ATF2: variants seen among roughly 807,000 people sequenced by gnomAD.
The protein encoded by ATF2 is activating transcription factor 2.
ATF2 carries 24 observed loss-of-function variants against 60.6 expected under a neutral mutation model. The ratio of observed to expected loss-of-function variants is 0.40; its 90% CI spans 0.29 to 0.56. ATF2 has a LOEUF of 0.56. Among genes scored for constraint, ATF2 ranks in the 20% least tolerant of loss-of-function variants. ATF2 has a pLI of 0.54. For missense variants in ATF2, 433 were observed against 607.7 expected, an observed-to-expected ratio of 0.71 and a Z score of 3.02; for synonymous variants, 206 against 215.4, an observed-to-expected ratio of 0.96 and a Z score of 0.38.
chr2:175,138,186 A>C (rs894430150), intron 2 of ATF2, among the ~76,000 whole-genome samples: 2 of 152,190 alleles, frequency 1.3e-5, no homozygotes, highest in Admixed American at 6.5e-5. Flanking sequence ...AATTTTTTAG[A>C]AGTCGGCTTC....
chr2:175,113,466 G>A (rs1056289538), intron 9 of ATF2, among the ~76,000 whole-genome samples: 4 of 151,906 alleles, frequency 2.6e-5, no homozygotes, highest in Middle Eastern at 3.2e-3. Flanking sequence ...TTTTGTCTAC[G>A]TCTTTCAAAA....
chr2:175,133,356 T>A (rs1419133755), intron 3 of ATF2, among the ~76,000 whole-genome samples: 1 of 152,190 alleles, frequency 6.6e-6, no homozygotes, highest in African/African-American at 2.4e-5. Context: ...TAAGGCTACC[T>A]GATTTGTACA....
intron 7 of ATF2, among the ~76,000 whole-genome samples, chr2:175,116,890 A>G (rs1432030515): frequency 2.0e-5 from 3 of 152,056 alleles, no homozygotes; most frequent in Non-Finnish European, 2.9e-5. Flanking sequence ...AAAGAACAGG[A>G]TAACATAATA....
intron 1 of ATF2, among the ~76,000 whole-genome samples, chr2:175,159,511 GGTCCTTCAC>G (rs1437819841): frequency 6.6e-6 from 1 of 152,048 alleles, no homozygotes; most frequent in African/African-American, 2.4e-5. Flanking sequence ...ACATGAGAGA[GGTCCTTCAC>G]ACAATTCCCA....
intron 1 of ATF2, among the ~76,000 whole-genome samples, chr2:175,154,251 A>ATGTT (rs879448060): frequency 6.7e-6 from 1 of 148,892 alleles, no homozygotes; most frequent in Non-Finnish European, 1.5e-5. Context: ...ATATATATAT[A>ATGTT]TTTTTTACTT....
intron 2 of ATF2, among the ~76,000 whole-genome samples, chr2:175,140,171 C>T (rs932327580): frequency 6.6e-6 from 1 of 152,026 alleles, no homozygotes; most frequent in South Asian, 2.1e-4. Flanking sequence ...GTTTACAATG[C>T]CTTGTGGGTT....
At chr2:175,106,860 A>T (rs1301976758) in intron 10 of ATF2, among the ~76,000 whole-genome samples, 2 of 152,132 alleles carry the variant, frequency 1.3e-5, no homozygotes, top group Non-Finnish European at 2.9e-5. Flanking sequence ...AAAAATAATT[A>T]TGCAATAATA....
intron 12 of ATF2, among the ~76,000 whole-genome samples, chr2:175,081,381 T>C (rs1693747000): frequency 6.6e-6 from 1 of 152,200 alleles, no homozygotes; most frequent in African/African-American, 2.4e-5. Context: ...TTAAATCTGC[T>C]AAGTCAATGG....
intron 2 of ATF2, among the ~76,000 whole-genome samples, chr2:175,139,103 T>C (rs971050271): frequency 1.3e-5 from 2 of 152,146 alleles, no homozygotes; most frequent in East Asian, 3.8e-4. Context: ...GGCACATGAG[T>C]ACTGGATAAA....
chr2:175,137,510 T>G (rs1271355818), intron 2 of ATF2, among the ~76,000 whole-genome samples: 1 of 152,136 alleles, frequency 6.6e-6, no homozygotes, highest in African/African-American at 2.4e-5. Flanking sequence ...TATTTAAACA[T>G]CAACTATACA....
intron 13 of ATF2, among the ~76,000 whole-genome samples, chr2:175,078,963 G>A (rs770680820): frequency 1.6e-4 from 24 of 152,094 alleles, no homozygotes; most frequent in Non-Finnish European, 2.9e-4. Context: ...TACATGACTA[G>A]ACAGGAATAA....
At chr2:175,165,386 CA>C (rs1334264960) in intron 1 of ATF2, among the ~76,000 whole-genome samples, 2 of 152,006 alleles carry the variant, frequency 1.3e-5, no homozygotes, top group African/African-American at 4.8e-5. Context: ...AGCCTTTAGA[CA>C]AAATTAGTAG....
At chr2:175,122,318 A>G (rs530985159) in intron 4 of ATF2, among the ~76,000 whole-genome samples, 3 of 152,148 alleles carry the variant, frequency 2.0e-5, no homozygotes, top group Non-Finnish European at 2.9e-5. Context: ...GAACATCAAC[A>G]TTTTTGAAGA....
At position 175,106,538 on chromosome 2, in the gene ATF2, A is replaced by AC. The variant is rs199952942; in HGVS notation, c.828+5029_828+5030insG. ...GAAAGACTGTCCAAAAACAACAACAAAAAAAAAAGAATTACAGTCAGGTGC... is the reference window on the plus strand; with the variant it reads ...GAAAGACTGTCCAAAAACAACAACAACAAAAAAAAGAATTACAGTCAGGTGC... On this transcript the variant is annotated intron_variant, in intron 10 of 13. Transcript: ENST00000264110. Among the ~76,000 whole-genome samples the AC allele has an allele frequency of 2.5e-3, 378 of 149,008 alleles. 3 individuals carry two copies. The highest frequency in any genetic ancestry group is 6.7e-3 in the African/African-American group (272 of 40,670).
intron 1 of ATF2, among the ~76,000 whole-genome samples, chr2:175,158,508 A>T (rs1449397260): frequency 6.6e-6 from 1 of 152,038 alleles, no homozygotes; most frequent in Non-Finnish European, 1.5e-5. Context: ...ATAACTTAAA[A>T]TGGATATTTT....
In ATF2 at chr2:175,152,692, T is replaced by C. The variant is rs1574492362; in HGVS notation, c.-142-1534A>G. 4.6e-5 allele frequency among the ~76,000 whole-genome samples: 7 copies of C among 152,338 alleles called. No individual in the cohort carries two copies. The South Asian group carries it at 1.4e-3, about 32-fold the overall frequency. On this transcript the variant is annotated intron_variant, in intron 1 of 13. Coordinates refer to ENST00000264110, the MANE Select transcript of ATF2 (RefSeq NM_001880.4). Reference sequence around the variant, plus strand: ...GAAACATGTTTAAATATTTAATATGTTTAAAACACTGTTGTATCAGAAACT... The same window carrying C: ...GAAACATGTTTAAATATTTAATATGCTTAAAACACTGTTGTATCAGAAACT...
intron 1 of ATF2, among the ~76,000 whole-genome samples, chr2:175,165,446 C>A (rs544202098): frequency 2.0e-5 from 3 of 152,272 alleles, no homozygotes; most frequent in East Asian, 1.9e-4. Flanking sequence ...CACGATCTAA[C>A]AATTTACCAG....
chr2:175,090,366 A>G (rs575819656), intron 12 of ATF2, among the ~76,000 whole-genome samples: 2 of 152,300 alleles, frequency 1.3e-5, no homozygotes, highest in Admixed American at 6.5e-5. Flanking sequence ...ATTCCATTGT[A>G]CATATAAACC....
At chr2:175,124,592 CACT>C (rs1697193406) in intron 4 of ATF2, among the ~76,000 whole-genome samples, 1 of 151,858 alleles carries the variant, frequency 6.6e-6, no homozygotes. Flanking sequence ...TAGCTCATTT[CACT>C]ACTTTTTTCA....
Sources: gnomAD v4.1 joint callset for allele counts (sites outside exome capture counted in the v4.1 genomes callset) on GRCh38, gnomAD v4.1.1 for gene constraint, MANE v1.5 for transcripts, NCBI Gene and HGNC (gene_info 2026-07-23, HGNC 2026-07-21) for gene names.